SEMA3D: variants seen among roughly 807,000 people sequenced by gnomAD.
The protein encoded by SEMA3D is semaphorin 3D, also known as semaphorin-3D.
SEMA3D carries 84 observed loss-of-function variants against 100.1 expected under a neutral mutation model. That is an observed-to-expected ratio of 0.84 (90% CI 0.70 to 1.01). SEMA3D has a LOEUF of 1.01. SEMA3D is among the 50% of genes least tolerant of loss of function. SEMA3D has a pLI of 0.00. For missense variants in SEMA3D, 875 were observed against 934.1 expected, an observed-to-expected ratio of 0.94 and a Z score of 0.82; for synonymous variants, 312 against 320.7, an observed-to-expected ratio of 0.97 and a Z score of 0.29.
chr7:85,154,871 G>A (rs1259841162), intron 1 of SEMA3D, among the ~76,000 whole-genome samples: 3 of 152,010 alleles, frequency 2.0e-5, no homozygotes. Flanking sequence ...ATATGCATAA[G>A]TCTGAAAAGA....
chr7:85,174,227 C>T (rs771390106), intron 1 of SEMA3D, among the ~76,000 whole-genome samples: 55 of 152,088 alleles, frequency 3.6e-4, no homozygotes, highest in Non-Finnish European at 5.0e-4. Flanking sequence ...ATTTAACCCA[C>T]GGTGATAAAG....
chr7:85,128,511 T>A (rs1789630038), intron 2 of SEMA3D, among the ~76,000 whole-genome samples: 1 of 152,132 alleles, frequency 6.6e-6, no homozygotes, highest in Admixed American at 6.6e-5. Flanking sequence ...TCTAATTTAG[T>A]CAAGCCCTTT....
chr7:85,142,779 G>T, intron 2 of SEMA3D: 1 of 983,112 alleles, frequency 1.0e-6, no homozygotes, highest in Non-Finnish European at 1.2e-6. Context: ...CTAACCACAT[G>T]ATGTGAATGG....
At chr7:85,156,287 G>A (rs1790594400) in intron 1 of SEMA3D, among the ~76,000 whole-genome samples, 1 of 151,452 alleles carries the variant, frequency 6.6e-6, no homozygotes, top group Non-Finnish European at 1.5e-5. Context: ...ATTTTCAGTA[G>A]AGATGGGGTT....
chr7:85,228,799 C>T, the SEMA3D span, among the ~76,000 whole-genome samples: 6 of 152,004 alleles, frequency 3.9e-5, no homozygotes, highest in Admixed American at 6.5e-5. Flanking sequence ...GAGAAGAAAT[C>T]ATGAACACAT....
intron 6 of SEMA3D, among the ~76,000 whole-genome samples, chr7:85,070,059 T>C (rs1416306857): frequency 6.6e-6 from 1 of 152,214 alleles, no homozygotes; most frequent in Non-Finnish European, 1.5e-5. Flanking sequence ...GTTACTATTA[T>C]CATTATTTTA....
chr7:85,049,692 C>A (rs375478411), intron 9 of SEMA3D, among the ~76,000 whole-genome samples: 1 of 151,706 alleles, frequency 6.6e-6, no homozygotes, highest in Non-Finnish European at 1.5e-5. Context: ...TCAATAAATA[C>A]GGAAAGTGTC....
intron 12 of SEMA3D, among the ~76,000 whole-genome samples, chr7:85,032,565 GT>G (rs1790577144): frequency 6.6e-6 from 1 of 152,072 alleles, no homozygotes; most frequent in African/African-American, 2.4e-5. Context: ...CTGCAAACAT[GT>G]TAGTAGAAAT....
At chr7:85,088,794 T>A (rs2116270790) in intron 4 of SEMA3D, among the ~76,000 whole-genome samples, 1 of 152,306 alleles carries the variant, frequency 6.6e-6, no homozygotes, top group Middle Eastern at 3.4e-3. Context: ...CAAGAAAATG[T>A]GCTTCAATAC....
chr7:85,141,028 G>A (rs540867946), intron 2 of SEMA3D: 1 of 737,518 alleles, frequency 1.4e-6, no homozygotes, highest in South Asian at 6.2e-5. Flanking sequence ...CTACTAATGA[G>A]TTAATTGTTT....
chr7:85,133,085 T>TA (rs997605299), intron 2 of SEMA3D, among the ~76,000 whole-genome samples: 11 of 151,828 alleles, frequency 7.2e-5, no homozygotes, highest in East Asian at 1.9e-4. Flanking sequence ...CACATATTTA[T>TA]AAAAAAAACC....
intron 1 of SEMA3D, among the ~76,000 whole-genome samples, chr7:85,157,967 CA>C (rs1790645040): frequency 6.6e-6 from 1 of 152,158 alleles, no homozygotes; most frequent in African/African-American, 2.4e-5. Flanking sequence ...ATTTCATGGA[CA>C]TTTATCACTT....
In SEMA3D at chr7:85,040,740, C is replaced by T; in HGVS notation, c.979G>A (p.Asp327Asn). 1.5e-6 allele frequency: 2 copies of T among 1,323,538 alleles called. No individual in the cohort carries two copies. Among genetic ancestry groups the T allele is most frequent in the Middle Eastern group, 1.9e-4 (1 of 5,356 alleles). 82.0% of individuals were successfully genotyped at this position (1,323,538 alleles called of 1,614,324 possible). The change falls in exon 11 of 19, where the codon GAT (aspartate) becomes AAT (asparagine). Residue 327 changes from aspartate to asparagine, a missense_variant and splice_region_variant. Transcript: ENST00000284136. ...TCTCTTGTGGGGAGTAAATAAATAT[C>T]TTCTATTAAAGGGGAAAAATAAATA... ...GADTYFDELQ[D>N]IYLLPTRDER...
At chr7:85,126,952 T>A (rs978145960) in intron 2 of SEMA3D, among the ~76,000 whole-genome samples, 2 of 152,176 alleles carry the variant, frequency 1.3e-5, no homozygotes, top group African/African-American at 2.4e-5. Flanking sequence ...TTTCCTTCTG[T>A]GTATTTTCTA....
rs756697155 is a variant in SEMA3D at position 85,018,292 on chromosome 7, T to C, written c.1505A>G (p.His502Arg). 6.3e-7 allele frequency: 1 copy of C among 1,586,794 alleles called. No homozygotes were observed. Among genetic ancestry groups the C allele is most frequent in the African/African-American group, 1.3e-5 (1 of 74,298 alleles). ...VVLEELQIFK[H>R]SSIILNMELS... ...TTCCATGTTCAAGATGATTGATGAG[T>C]GCTGAAAATAGAAGTTAAATGTCAA... Residue 502 changes from histidine to arginine, a missense_variant and splice_region_variant, in exon 15 of 19, where the codon CAC becomes CGC. By Grantham distance (29) the His-to-Arg change is conservative. Coordinates refer to ENST00000284136, the MANE Select transcript of SEMA3D (RefSeq NM_001384900.1).
At chr7:85,066,609 A>G (rs1791628543) in intron 7 of SEMA3D, among the ~76,000 whole-genome samples, 1 of 152,064 alleles carries the variant, frequency 6.6e-6, no homozygotes, top group Non-Finnish European at 1.5e-5. Context: ...CTTCTTAGTC[A>G]ACCACTTTGC....
the SEMA3D span, among the ~76,000 whole-genome samples, chr7:85,201,919 T>C: frequency 6.6e-6 from 1 of 152,038 alleles, no homozygotes; most frequent in African/African-American, 2.4e-5. Context: ...GGGGTCTCAC[T>C]GTGTTGCCCA....
At chr7:85,229,162 T>C in the SEMA3D span, among the ~76,000 whole-genome samples, 1 of 152,002 alleles carries the variant, frequency 6.6e-6, no homozygotes, top group African/African-American at 2.4e-5. Flanking sequence ...AAAAAGAAAA[T>C]ATATGACACC....
intron 4 of SEMA3D, among the ~76,000 whole-genome samples, chr7:85,082,744 C>T (rs1451681082): frequency 1.3e-5 from 2 of 152,100 alleles, no homozygotes; most frequent in African/African-American, 4.8e-5. Context: ...AAATAAAGAA[C>T]ACAGTATAGC....
Sources: allele counts gnomAD v4.1 joint callset (sites outside exome capture counted in the v4.1 genomes callset), GRCh38; gene constraint gnomAD v4.1.1; transcripts MANE v1.5; gene names NCBI Gene and HGNC (gene_info 2026-07-23, HGNC 2026-07-21).